The following REDIC1 variants were observed in gnomAD, a reference collection of about 807,000 sequenced individuals.
REDIC1 encodes the protein regulator of DNA class I crossover intermediates 1.
At chr12:39,628,489 C>G in the REDIC1 span, among the ~76,000 whole-genome samples, 1 of 152,108 alleles carries the variant, frequency 6.6e-6, no homozygotes, top group Non-Finnish European at 1.5e-5. Flanking sequence ...TCTTTTTACC[C>G]CCCTCCATTG....
At chr12:39,639,977 T>C in the REDIC1 span, among the ~76,000 whole-genome samples, 2 of 151,910 alleles carry the variant, frequency 1.3e-5, no homozygotes, top group Admixed American at 1.3e-4. Context: ...CTTATAACCA[T>C]TAAATACTGC....
chr12:39,635,358 G>A, the REDIC1 span, among the ~76,000 whole-genome samples: 1 of 152,100 alleles, frequency 6.6e-6, no homozygotes, highest in Non-Finnish European at 1.5e-5. Flanking sequence ...GTTTATTGTG[G>A]CACTATTCAC....
At chr12:39,716,149 C>A in the REDIC1 span, among the ~76,000 whole-genome samples, 1 of 151,966 alleles carries the variant, frequency 6.6e-6, no homozygotes, top group Non-Finnish European at 1.5e-5. Context: ...ATAGCAGACC[C>A]ATTTTCATAA....
chr12:39,749,686 A>G, the REDIC1 span, among the ~76,000 whole-genome samples: 1 of 152,184 alleles, frequency 6.6e-6, no homozygotes, highest in Non-Finnish European at 1.5e-5. Flanking sequence ...CTGGCAAACC[A>G]AATCCAGCAG....
chr12:39,754,409 G>A, the REDIC1 span: 3 of 152,040 alleles, frequency 2.0e-5, no homozygotes, highest in African/African-American at 7.2e-5. Flanking sequence ...ACCTGCTGAC[G>A]TTAAGAACCT....
the REDIC1 span, among the ~76,000 whole-genome samples, chr12:39,695,308 A>T: frequency 6.6e-6 from 1 of 152,302 alleles, no homozygotes; most frequent in Non-Finnish European, 1.5e-5. Context: ...GGGGTCCCCA[A>T]TTCCAGGACT....
the REDIC1 span, among the ~76,000 whole-genome samples, chr12:39,701,450 T>G: frequency 6.6e-6 from 1 of 151,954 alleles, no homozygotes; most frequent in Non-Finnish European, 1.5e-5. Context: ...GATTCCTGAG[T>G]GACCTACAAA....
At chr12:39,781,359 T>A in the REDIC1 span, among the ~76,000 whole-genome samples, 59 of 145,368 alleles carry the variant, frequency 4.1e-4, no homozygotes, top group Non-Finnish European at 6.7e-4. Flanking sequence ...GAGCCCAGCT[T>A]CCCACTGAGG....
At chr12:39,684,811 A>T in the REDIC1 span, 1 of 1,294,112 alleles carries the variant, frequency 7.7e-7, no homozygotes. Flanking sequence ...AATTTAGAAC[A>T]ATAATTCCCA....
At chr12:39,782,568 C>T in the REDIC1 span, among the ~76,000 whole-genome samples, 1 of 152,206 alleles carries the variant, frequency 6.6e-6, no homozygotes. Context: ...ATGTCTTTAT[C>T]AGCAGCATGA....
chr12:39,878,053 C>G, the REDIC1 span, among the ~76,000 whole-genome samples: 1 of 152,192 alleles, frequency 6.6e-6, no homozygotes, highest in African/African-American at 2.4e-5. Flanking sequence ...TTGCCTTCTG[C>G]CATAATTGCA....
the REDIC1 span, among the ~76,000 whole-genome samples, chr12:39,632,834 A>C: frequency 6.6e-6 from 1 of 152,214 alleles, no homozygotes; most frequent in Admixed American, 6.5e-5. Context: ...AATATAGAAA[A>C]GATGCAGTAA....
At chr12:39,768,727 G>A in the REDIC1 span, among the ~76,000 whole-genome samples, 2 of 152,024 alleles carry the variant, frequency 1.3e-5, no homozygotes, top group African/African-American at 4.8e-5. Context: ...TAACATTAAA[G>A]ATCACTGATC....
At chr12:39,713,319 T>G in the REDIC1 span, among the ~76,000 whole-genome samples, 7 of 143,824 alleles carry the variant, frequency 4.9e-5, 1 homozygote, top group Admixed American at 4.9e-4. Flanking sequence ...CGTGTATATA[T>G]GTGTATACAC....
chr12:39,886,236 G>A, the REDIC1 span, among the ~76,000 whole-genome samples: 2 of 152,210 alleles, frequency 1.3e-5, no homozygotes, highest in South Asian at 4.2e-4. Flanking sequence ...ACACACAAAT[G>A]TATTATTAAA....
chr12:39,790,212 T>A, the REDIC1 span, among the ~76,000 whole-genome samples: 5 of 53,030 alleles, frequency 9.4e-5, no homozygotes, highest in East Asian at 3.7e-3. Flanking sequence ...AGTGTTTTTT[T>A]TTTCTTCTTC....
the REDIC1 span, among the ~76,000 whole-genome samples, chr12:39,714,788 T>G: frequency 6.6e-6 from 1 of 151,990 alleles, no homozygotes; most frequent in South Asian, 2.1e-4. Flanking sequence ...ACATTGTGGT[T>G]TTGATTTGCA....
chr12:39,720,942 G>A, the REDIC1 span: 1,224 of 1,613,662 alleles, frequency 7.6e-4, 10 homozygotes, highest in African/African-American at 0.013. Flanking sequence ...TTCACAAACA[G>A]AATGAGAATT....
At chr12:39,791,090 G>A in the REDIC1 span, among the ~76,000 whole-genome samples, 1 of 148,588 alleles carries the variant, frequency 6.7e-6, no homozygotes, top group Admixed American at 6.8e-5. Context: ...TTGTAAATTT[G>A]TTTGAGTTCA....
Sources: allele counts gnomAD v4.1 joint callset (sites outside exome capture counted in the v4.1 genomes callset), GRCh38; gene constraint gnomAD v4.1.1; transcripts MANE v1.5; gene names NCBI Gene and HGNC (gene_info 2026-07-23, HGNC 2026-07-21).